Variants in NINL observed in about 807,000 individuals in gnomAD.
NINL encodes ninein like, also known as ninein-like protein.
NINL carries 153 observed loss-of-function variants against 160.3 expected under a neutral mutation model. That is an observed-to-expected ratio of 0.95 (90% confidence interval 0.84 to 1.09). NINL has a LOEUF of 1.09. Among genes scored for constraint, NINL ranks in the 50% least tolerant of loss-of-function variants. NINL has a pLI of 0.00. For missense variants in NINL, 1,829 were observed against 1,764.0 expected (o/e 1.04, Z -0.66); for synonymous variants, 800 against 734.8 (o/e 1.09, Z -1.43).
chr20:25,533,392 G>A (rs755011032), intron 1 of NINL, among the ~76,000 whole-genome samples: 7 of 152,114 alleles, frequency 4.6e-5, no homozygotes, highest in African/African-American at 7.2e-5. Context: ...AGAACGATCC[G>A]AGACCAAGGG....
At chr20:25,548,157 C>T (rs532464252) in intron 1 of NINL, among the ~76,000 whole-genome samples, 1 of 152,308 alleles carries the variant, frequency 6.6e-6, no homozygotes, top group South Asian at 2.1e-4. Context: ...CAAGCCGGTC[C>T]AGTGCAGCTT....
intron 1 of NINL, among the ~76,000 whole-genome samples, chr20:25,539,025 T>G (rs1406239954): frequency 1.3e-5 from 2 of 152,152 alleles, no homozygotes; most frequent in Admixed American, 6.5e-5. Flanking sequence ...CTTTAGTGAC[T>G]GGTGGGCACT....
intron 1 of NINL, among the ~76,000 whole-genome samples, chr20:25,546,181 G>A (rs775137364): frequency 1.6e-4 from 24 of 152,056 alleles, no homozygotes; most frequent in East Asian, 1.9e-4. Context: ...TACTGGCTCC[G>A]CATAAACCTC....
intron 2 of NINL, among the ~76,000 whole-genome samples, chr20:25,521,122 T>C (rs1318576249): frequency 6.6e-6 from 1 of 152,234 alleles, no homozygotes; most frequent in Non-Finnish European, 1.5e-5. Context: ...TGCTGGACTT[T>C]CTCACTCCAT....
chr20:25,552,170 A>G (rs918159850), intron 1 of NINL, among the ~76,000 whole-genome samples: 3 of 151,500 alleles, frequency 2.0e-5, no homozygotes, highest in Non-Finnish European at 4.4e-5. Flanking sequence ...CCAAAATTTC[A>G]TTTTCTTTTA....
chr20:25,482,392 G>A (rs191290921), intron 13 of NINL, among the ~76,000 whole-genome samples: 11 of 152,332 alleles, frequency 7.2e-5, no homozygotes, highest in Non-Finnish European at 1.6e-4. Flanking sequence ...AGGCTGGAGT[G>A]CACTGGTGCA....
intron 17 of NINL, among the ~76,000 whole-genome samples, chr20:25,475,092 GT>G (rs1026705799): frequency 6.6e-6 from 1 of 151,170 alleles, no homozygotes; most frequent in African/African-American, 2.4e-5. Flanking sequence ...TTGTTACGAG[GT>G]TTTAAATTCC....
At chr20:25,577,487 C>A (rs952237723) in intron 1 of NINL, among the ~76,000 whole-genome samples, 1 of 152,258 alleles carries the variant, frequency 6.6e-6, no homozygotes, top group Non-Finnish European at 1.5e-5. Flanking sequence ...GGAGCTCTCC[C>A]TGGGGTTGGG....
intron 1 of NINL, among the ~76,000 whole-genome samples, chr20:25,544,572 C>T (rs1030446044): frequency 1.3e-5 from 2 of 152,112 alleles, no homozygotes; most frequent in African/African-American, 4.8e-5. Flanking sequence ...CATGTTCAGT[C>T]CCAGGGGCCA....
chr20:25,479,631 G>A, intron 15 of NINL, among the ~76,000 whole-genome samples: 1 of 152,184 alleles, frequency 6.6e-6, no homozygotes, highest in South Asian at 2.1e-4. Flanking sequence ...CCCAGGGCAT[G>A]GCCACAGGCA....
At chr20:25,494,906 G>A (rs1407540977) in intron 10 of NINL, among the ~76,000 whole-genome samples, 9 of 152,226 alleles carry the variant, frequency 5.9e-5, no homozygotes, top group Admixed American at 5.9e-4. Flanking sequence ...GGCTGACCCA[G>A]AAACAGTGTA....
intron 1 of NINL, among the ~76,000 whole-genome samples, chr20:25,528,922 T>C (rs187959681): frequency 6.6e-6 from 1 of 152,324 alleles, no homozygotes; most frequent in African/African-American, 2.4e-5. Context: ...CACAGCACAG[T>C]AAATGCCAGT....
rs533715807 is a variant in NINL, at chr20:25,565,394, G to C, written c.-12+20061C>G. ...AGGAAGAGAGAAAGAAAGGAGGGAAGAGGAGGAGGAGGGAGAGGGAAGAGA... is the reference window on the plus strand; with the variant it reads ...AGGAAGAGAGAAAGAAAGGAGGGAACAGGAGGAGGAGGGAGAGGGAAGAGA... On this transcript the variant is annotated intron_variant, in intron 1 of 23. Coordinates refer to ENST00000278886, the MANE Select transcript of NINL (RefSeq NM_025176.6). Among the ~76,000 whole-genome samples, 10 of 152,126 alleles carry C rather than the reference G, an allele frequency of 6.6e-5. No homozygotes were observed. In the East Asian group the frequency reaches 1.9e-3, roughly 29 times the overall value.
Position 25,470,231 on chromosome 20 carries a change from T to A in NINL, c.3249-136A>T. On this transcript the variant is annotated intron_variant, in intron 17 of 23. Coordinates refer to ENST00000278886, the MANE Select transcript of NINL (RefSeq NM_025176.6). ...CCCTGGAGGTGGCGCCAGACACCAT[T>A]CCTTTCCCTCTTCCTGCACCAGGTG... 4 of 680,172 alleles carry A rather than the reference T, an allele frequency of 5.9e-6. No homozygotes were observed. The South Asian group carries it at 6.8e-5, about 12-fold the overall frequency. The allele number at this position is 680,172 out of a possible 1,614,324, so 42.1% of individuals were successfully genotyped here. A position where few individuals can be genotyped will look rare whatever the true frequency, so the allele number is the denominator to read the frequency against.
chr20:25,584,766 C>T lies in NINL; in HGVS notation c.-12+689G>A, dbSNP rs376439833. Among the ~76,000 whole-genome samples, 5 of 152,322 alleles carry T rather than the reference C, an allele frequency of 3.3e-5. No individual in the cohort carries two copies. The East Asian group carries it at 9.7e-4, about 29-fold the overall frequency. ...TCCTGTGCAAACATACAGCCCCACA[C>T]AGAGCTCCTAACAATGGGGCATCAG... On this transcript the variant is annotated intron_variant, in intron 1 of 23. Transcript: ENST00000278886.
At chr20:25,506,163 G>A (rs1317357143) in intron 5 of NINL, among the ~76,000 whole-genome samples, 1 of 152,230 alleles carries the variant, frequency 6.6e-6, no homozygotes, top group East Asian at 1.9e-4. Context: ...TCGGGAGGCT[G>A]AGGCAGAGAA....
chr20:25,551,991 G>T (rs1279382017), intron 1 of NINL, among the ~76,000 whole-genome samples: 1 of 152,150 alleles, frequency 6.6e-6, no homozygotes. Flanking sequence ...CCATCGGGAG[G>T]TATACAGCCT....
At chr20:25,576,549 C>T (rs1406576553) in intron 1 of NINL, among the ~76,000 whole-genome samples, 1 of 152,206 alleles carries the variant, frequency 6.6e-6, no homozygotes, top group Non-Finnish European at 1.5e-5. Flanking sequence ...GCCTCCACTT[C>T]CCGTGCTCAA....
At chr20:25,503,307 C>T (rs2063902886) in intron 7 of NINL, among the ~76,000 whole-genome samples, 1 of 141,082 alleles carries the variant, frequency 7.1e-6, no homozygotes, top group African/African-American at 2.7e-5. Flanking sequence ...AGCACTGCCT[C>T]CTGTAACCCC....
Sources: allele counts gnomAD v4.1 joint callset (sites outside exome capture counted in the v4.1 genomes callset), GRCh38; gene constraint gnomAD v4.1.1; transcripts MANE v1.5; gene names NCBI Gene and HGNC (gene_info 2026-07-23, HGNC 2026-07-21).